NCKAP5: variants seen among roughly 807,000 people sequenced by gnomAD.
NCKAP5 encodes the protein nck-associated protein 5.
A neutral mutation model predicts 167.0 loss-of-function variants in NCKAP5; 92 were observed. The observed-to-expected ratio is 0.55, with a 90% CI of 0.47 to 0.66. The LOEUF (loss-of-function observed/expected upper bound fraction) is 0.66, where lower values mean the gene tolerates loss of function less well. NCKAP5 is among the 30% of genes least tolerant of loss of function. The probability of loss-of-function intolerance (pLI) is 0.00; values close to 1 mark genes in which losing one functional copy is unlikely to be tolerated. For synonymous variants in NCKAP5, 891 were observed against 877.4 expected, an observed-to-expected ratio of 1.02 and a Z score of -0.27; for missense variants, 2,378 against 2,315.0, an observed-to-expected ratio of 1.03 and a Z score of -0.56.
intron 3 of NCKAP5, among the ~76,000 whole-genome samples, chr2:133,320,737 CAAAA>C (rs202192425): frequency 1.3e-5 from 2 of 150,478 alleles, no homozygotes; most frequent in African/African-American, 2.4e-5. Flanking sequence ...AACAAACAAA[CAAAA>C]AAAAAGAAAA....
At chr2:132,925,223 C>G (rs1695765011) in intron 8 of NCKAP5, among the ~76,000 whole-genome samples, 1 of 152,016 alleles carries the variant, frequency 6.6e-6, no homozygotes, top group African/African-American at 2.4e-5. Flanking sequence ...CTAGATCCCT[C>G]ACATGTGAAG....
chr2:133,470,263 C>T (rs553163995), intron 3 of NCKAP5, among the ~76,000 whole-genome samples: 4 of 151,962 alleles, frequency 2.6e-5, no homozygotes, highest in South Asian at 2.1e-4. Context: ...TGTTGGAATA[C>T]CCTGCCGTGT....
At chr2:133,652,437 C>T in the NCKAP5 span, among the ~76,000 whole-genome samples, 3 of 152,186 alleles carry the variant, frequency 2.0e-5, no homozygotes, top group African/African-American at 7.2e-5. Flanking sequence ...ACAAATAAAA[C>T]AGTGGACAAT....
chr2:133,228,217 C>T lies in NCKAP5; in HGVS notation c.144-14438G>A, dbSNP rs546661791. Among the ~76,000 whole-genome samples the T allele has an allele frequency of 1.5e-4, 23 of 152,308 alleles. 1 individual carries two copies. In the South Asian group the frequency reaches 4.8e-3, roughly 32 times the overall value. On this transcript the variant is annotated intron_variant, in intron 4 of 19. Transcript: ENST00000409261. ...AAGAGAAGGAAATAATTGTTAGAGTCTACCACATGGGTCGAAAATTTATAC... is the reference window on the plus strand; with the variant it reads ...AAGAGAAGGAAATAATTGTTAGAGTTTACCACATGGGTCGAAAATTTATAC...
At chr2:133,197,952 A>C (rs893810703) in intron 5 of NCKAP5, among the ~76,000 whole-genome samples, 6 of 152,210 alleles carry the variant, frequency 3.9e-5, no homozygotes, top group African/African-American at 1.4e-4. Context: ...CCATCTCAGA[A>C]AAAAAAAGAG....
At chr2:133,409,230 T>C (rs1688628024) in intron 3 of NCKAP5, among the ~76,000 whole-genome samples, 1 of 152,184 alleles carries the variant, frequency 6.6e-6, no homozygotes, top group Non-Finnish European at 1.5e-5. Context: ...TAAATAAATA[T>C]GTGTTAATGC....
At chr2:132,722,854 C>G (rs1168673222) in intron 19 of NCKAP5, among the ~76,000 whole-genome samples, 1 of 152,100 alleles carries the variant, frequency 6.6e-6, no homozygotes, top group Non-Finnish European at 1.5e-5. Flanking sequence ...CTTGCTGTGT[C>G]ACCCAGGCTG....
chr2:133,170,662 C>T (rs1394904026), intron 5 of NCKAP5, among the ~76,000 whole-genome samples: 1 of 152,210 alleles, frequency 6.6e-6, no homozygotes, highest in Admixed American at 6.5e-5. Context: ...CCTGTAACAA[C>T]AGGAACATAC....
chr2:133,121,391 G>T (rs1296416796), intron 6 of NCKAP5, among the ~76,000 whole-genome samples: 1 of 152,044 alleles, frequency 6.6e-6, no homozygotes, highest in Admixed American at 6.6e-5. Flanking sequence ...TTGCCATAAG[G>T]TCACACTAAT....
At chr2:132,850,519 G>A (rs563531516) in intron 11 of NCKAP5, among the ~76,000 whole-genome samples, 1 of 151,960 alleles carries the variant, frequency 6.6e-6, no homozygotes, top group East Asian at 2.0e-4. Flanking sequence ...AATACCCTGG[G>A]CCTATTGTAA....
chr2:133,047,487 G>C (rs1359067385), intron 6 of NCKAP5, among the ~76,000 whole-genome samples: 1 of 152,192 alleles, frequency 6.6e-6, no homozygotes, highest in Non-Finnish European at 1.5e-5. Context: ...AACTCTCAAG[G>C]TATTTGTTCC....
intron 11 of NCKAP5, 46 bp downstream of exon 11, chr2:132,860,446 C>T (rs200708401): frequency 6.5e-7 from 1 of 1,546,768 alleles, no homozygotes; most frequent in Non-Finnish European, 8.7e-7. Context: ...AACTTCCTGT[C>T]AATAGCATTT....
At chr2:133,109,448 TG>T (rs2081835299) in intron 6 of NCKAP5, among the ~76,000 whole-genome samples, 1 of 152,226 alleles carries the variant, frequency 6.6e-6, no homozygotes, top group African/African-American at 2.4e-5. Context: ...ATTTCCCATG[TG>T]GCTTGCAAAT....
At chr2:133,079,534 C>T (rs2080732806) in intron 6 of NCKAP5, among the ~76,000 whole-genome samples, 1 of 152,122 alleles carries the variant, frequency 6.6e-6, no homozygotes, top group Non-Finnish European at 1.5e-5. Context: ...AACATCTTTT[C>T]ATGGGAGCCA....
At chr2:133,419,429 A>C (rs942318116) in intron 3 of NCKAP5, among the ~76,000 whole-genome samples, 1 of 152,206 alleles carries the variant, frequency 6.6e-6, no homozygotes. Flanking sequence ...TGGATTTTTT[A>C]AAATAATTTT....
intron 3 of NCKAP5, among the ~76,000 whole-genome samples, chr2:133,513,200 C>T (rs1045959000): frequency 2.0e-5 from 3 of 152,128 alleles, no homozygotes; most frequent in Non-Finnish European, 4.4e-5. Context: ...TATGAAGAAT[C>T]GTTAAGGTAT....
chr2:133,152,764 C>A (rs969722136), intron 5 of NCKAP5, among the ~76,000 whole-genome samples: 3 of 152,152 alleles, frequency 2.0e-5, no homozygotes, highest in African/African-American at 7.2e-5. Flanking sequence ...ACCCCATATA[C>A]AACAGTGATC....
intron 8 of NCKAP5, among the ~76,000 whole-genome samples, chr2:132,909,018 TCTC>T (rs1169145002): frequency 1.3e-5 from 2 of 152,168 alleles, no homozygotes; most frequent in East Asian, 3.8e-4. Context: ...CTTATGGCAA[TCTC>T]ACGGTAAGCA....
chr2:132,772,309 T>C (rs2104947608), intron 16 of NCKAP5, among the ~76,000 whole-genome samples: 1 of 152,332 alleles, frequency 6.6e-6, no homozygotes, highest in South Asian at 2.1e-4. Context: ...AAAATGTGGC[T>C]ACTGTTATTG....
Sources: gnomAD v4.1 joint callset for allele counts (sites outside exome capture counted in the v4.1 genomes callset) on GRCh38, gnomAD v4.1.1 for gene constraint, MANE v1.5 for transcripts, NCBI Gene and HGNC (gene_info 2026-07-23, HGNC 2026-07-21) for gene names.